Variants in CREM observed in about 807,000 individuals in gnomAD.
CREM encodes cAMP-responsive element modulator.
In CREM, 13 loss-of-function variants were observed where a neutral mutation model predicts 37.3. The observed-to-expected ratio is 0.35, with a 90% CI of 0.23 to 0.55. The LOEUF (loss-of-function observed/expected upper bound fraction) is 0.55, where lower values mean the gene tolerates loss of function less well. Among genes scored for constraint, CREM ranks in the 20% least tolerant of loss-of-function variants. The pLI, the probability that CREM is intolerant of heterozygous loss-of-function variation, is 0.88. For missense variants in CREM, 296 were observed against 362.3 expected, an observed-to-expected ratio of 0.82 and a Z score of 1.49; for synonymous variants, 124 against 120.2, an observed-to-expected ratio of 1.03 and a Z score of -0.21.
chr10:35,200,324 C>T (rs1270261686), intron 6 of CREM, among the ~76,000 whole-genome samples: 1 of 152,198 alleles, frequency 6.6e-6, no homozygotes. Flanking sequence ...TTTTCACATA[C>T]TGAACTTTAA....
intron 3 of CREM, among the ~76,000 whole-genome samples, chr10:35,177,972 CAT>C (rs965833379): frequency 2.0e-4 from 31 of 152,176 alleles, no homozygotes; most frequent in African/African-American, 6.5e-4. Context: ...AAACACGAGT[CAT>C]ATGTGGAGGT....
intron 3 of CREM, among the ~76,000 whole-genome samples, chr10:35,170,895 A>G (rs1253041265): frequency 6.6e-6 from 1 of 152,144 alleles, no homozygotes; most frequent in East Asian, 1.9e-4. Context: ...GTAGAATGAT[A>G]GTTCTCCAGA....
chr10:35,145,970 A>G (rs774551214), intron 2 of CREM, among the ~76,000 whole-genome samples: 2 of 152,190 alleles, frequency 1.3e-5, no homozygotes, highest in South Asian at 4.1e-4. Flanking sequence ...TACAACAAAT[A>G]CTTCTCGTTA....
rs1399078314 is a variant in CREM, at chr10:35,160,876, A to G, written c.168+12385A>G. The stretch of plus-strand genomic sequence containing the variant: ...CCTAGGCCTGTATAGTGTCAGGATC[A>G]TCTGTATTGCTGTCTTCCACCTTCA... On this transcript the variant is annotated intron_variant, in intron 3 of 7. Transcript: ENST00000685392. 1.4e-4 allele frequency among the ~76,000 whole-genome samples: 21 copies of G among 152,218 alleles called. 1 individual carries two copies. Among genetic ancestry groups the G allele is most frequent in the Admixed American group, 1.4e-3 (21 of 15,280 alleles).
chr10:35,149,930 A>ACC (rs1564819649), intron 3 of CREM, among the ~76,000 whole-genome samples: 1 of 149,168 alleles, frequency 6.7e-6, no homozygotes, highest in Non-Finnish European at 1.5e-5. Flanking sequence ...ACACACACAC[A>ACC]CACACACACC....
intron 1 of CREM, among the ~76,000 whole-genome samples, chr10:35,130,917 T>C (rs537974780): frequency 7.9e-5 from 12 of 152,352 alleles, no homozygotes; most frequent in African/African-American, 2.4e-4. Context: ...TAAAATGATA[T>C]CTATTTGCAC....
At chr10:35,175,976 T>C in intron 3 of CREM, 1 of 1,551,224 alleles carries the variant, frequency 6.4e-7, no homozygotes, top group Non-Finnish European at 8.7e-7. Context: ...GGTTATTCAG[T>C]CATCAGAAAT....
chr10:35,195,066 T>A (rs1240927228), intron 6 of CREM: 1 of 937,866 alleles, frequency 1.1e-6, no homozygotes, highest in Non-Finnish European at 1.6e-6. Flanking sequence ...ATGGCAGTGA[T>A]AGGCTAGTGA....
intron 1 of CREM, among the ~76,000 whole-genome samples, chr10:35,136,072 G>A (rs2090458730): frequency 6.6e-6 from 1 of 152,174 alleles, no homozygotes; most frequent in African/African-American, 2.4e-5. Context: ...CCCATGGCCG[G>A]AAGTTGGTGC....
At chr10:35,153,919 C>T (rs1051341160) in intron 3 of CREM, 9 of 389,868 alleles carry the variant, frequency 2.3e-5, no homozygotes, top group East Asian at 3.6e-5. Context: ...CAGAGAAAGC[C>T]GCTAGGGAAT....
At chr10:35,175,718 G>C in intron 3 of CREM, 1 of 1,614,156 alleles carries the variant, frequency 6.2e-7, no homozygotes, top group Non-Finnish European at 8.5e-7. Context: ...AAGTATCCTA[G>C]ATAGTTTGTC....
At chr10:35,137,419 A>G (rs1347083184) in intron 1 of CREM, among the ~76,000 whole-genome samples, 1 of 152,214 alleles carries the variant, frequency 6.6e-6, no homozygotes, top group African/African-American at 2.4e-5. Context: ...TCTTAAAAAT[A>G]GAGCTGATAC....
At chr10:35,187,072 AATAATATATATAATAT>A (rs1290025008) in intron 5 of CREM, among the ~76,000 whole-genome samples, 4 of 68,994 alleles carry the variant, frequency 5.8e-5, no homozygotes, top group African/African-American at 1.7e-4. Flanking sequence ...TAATTAATAT[AATAATATATATAATAT>A]ATAATATATA....
chr10:35,137,629 G>A (rs562804024), intron 1 of CREM, among the ~76,000 whole-genome samples, 153 bp from the exon 2 acceptor site: 2 of 152,002 alleles, frequency 1.3e-5, no homozygotes, highest in African/African-American at 4.8e-5. Flanking sequence ...TTTTTTGGTG[G>A]GGGGGAGTTA....
chr10:35,164,464 G>A (rs1589729222), intron 3 of CREM, among the ~76,000 whole-genome samples: 1 of 152,204 alleles, frequency 6.6e-6, no homozygotes, highest in Non-Finnish European at 1.5e-5. Flanking sequence ...CAAAGTTCCG[G>A]TATGTCAGGA....
At chr10:35,207,745 G>C (rs902257765) in intron 7 of CREM, among the ~76,000 whole-genome samples, 1 of 152,008 alleles carries the variant, frequency 6.6e-6, no homozygotes, top group Admixed American at 6.6e-5. Context: ...CTGGACTGCA[G>C]CCTGGGTGAC....
intron 3 of CREM, chr10:35,175,580 G>GA (rs2094018883): frequency 7.7e-7 from 1 of 1,298,354 alleles, no homozygotes; most frequent in Non-Finnish European, 1.1e-6. Context: ...AACTGCTTTA[G>GA]AACTTTGTGC....
rs796295851 is a variant in CREM, at chr10:35,149,938, A to ACACACACACACACACACC, written c.168+1448_168+1449insACACACACACACACACCC. Among the ~76,000 whole-genome samples, 28 of 145,520 alleles carry ACACACACACACACACACC rather than the reference A, an allele frequency of 1.9e-4. 1 individual carries two copies. Among genetic ancestry groups the ACACACACACACACACACC allele is most frequent in the Admixed American group, 1.1e-3 (16 of 14,426 alleles). ...CACACACACACACACACACACACAC[A>ACACACACACACACACACC]CCCTTGTTAAAAAAAATGCATGTTC... On this transcript the variant is annotated intron_variant, in intron 3 of 7. Coordinates refer to ENST00000685392, the MANE Select transcript of CREM (RefSeq NM_183011.2).
chr10:35,179,084 A>G (rs759174978), intron 4 of CREM, 50 bp from the exon 5 acceptor site: 2 of 1,553,112 alleles, frequency 1.3e-6, no homozygotes, highest in African/African-American at 1.4e-5. Flanking sequence ...TTTCTGTTTT[A>G]AGACTTATTC....
Sources: allele counts gnomAD v4.1 joint callset (sites outside exome capture counted in the v4.1 genomes callset), GRCh38; gene constraint gnomAD v4.1.1; transcripts MANE v1.5; gene names NCBI Gene and HGNC (gene_info 2026-07-23, HGNC 2026-07-21).